The following GDA variants were observed in gnomAD, a reference collection of about 807,000 sequenced individuals.
GDA encodes guanine deaminase.
A neutral mutation model predicts 59.6 loss-of-function variants in GDA; 18 were observed. That is an observed-to-expected ratio of 0.30 (90% CI 0.21 to 0.45). The LOEUF is 0.45. Ranked by LOEUF, GDA falls within the 20% of genes least tolerant of loss-of-function variation. The pLI is 1.00. For synonymous variants in GDA, 201 were observed against 201.1 expected (o/e 1.00, Z 0.00); for missense variants, 427 against 552.3 (o/e 0.77, Z 2.27).
At chr9:72,240,348 A>G (rs184675067) in intron 10 of GDA, among the ~76,000 whole-genome samples, 9 of 152,350 alleles carry the variant, frequency 5.9e-5, no homozygotes, top group Non-Finnish European at 1.2e-4. Flanking sequence ...TTTTTAGTGA[A>G]TAGAACCATG....
At chr9:72,163,925 G>T (rs1828970584) in intron 1 of GDA, among the ~76,000 whole-genome samples, 1 of 152,210 alleles carries the variant, frequency 6.6e-6, no homozygotes, top group African/African-American at 2.4e-5. Flanking sequence ...TTGGAGCAAT[G>T]TTTTGTTCCC....
chr9:72,116,756 T>C (rs969397607), intron 1 of GDA, among the ~76,000 whole-genome samples: 2 of 152,200 alleles, frequency 1.3e-5, no homozygotes, highest in African/African-American at 2.4e-5. Context: ...TAAAAATATA[T>C]TCATATCGTT....
chr9:72,116,250 G>A (rs1332598285), intron 1 of GDA, among the ~76,000 whole-genome samples: 1 of 151,494 alleles, frequency 6.6e-6, no homozygotes, highest in Non-Finnish European at 1.5e-5. Flanking sequence ...AAAAATTTAT[G>A]AAATATGTTC....
At chr9:72,124,309 T>C (rs973025470) in intron 1 of GDA, among the ~76,000 whole-genome samples, 2 of 152,330 alleles carry the variant, frequency 1.3e-5, no homozygotes. Context: ...TTTTATAACA[T>C]AGAAGACACT....
chr9:72,232,093 C>T (rs1838422651), intron 10 of GDA, among the ~76,000 whole-genome samples: 1 of 152,172 alleles, frequency 6.6e-6, no homozygotes, highest in Non-Finnish European at 1.5e-5. Context: ...GTGAGTCAGG[C>T]CCAAATTTCT....
chr9:72,211,632 A>G (rs1025183652), intron 4 of GDA, among the ~76,000 whole-genome samples: 1 of 152,220 alleles, frequency 6.6e-6, no homozygotes, highest in Non-Finnish European at 1.5e-5. Context: ...ACCCAGAACT[A>G]CGACATCTGG....
chr9:72,237,779 A>G (rs530928010), intron 10 of GDA, among the ~76,000 whole-genome samples: 2 of 152,166 alleles, frequency 1.3e-5, no homozygotes, highest in South Asian at 4.2e-4. Context: ...TGGAAACTTG[A>G]TCATTATCTT....
chr9:72,249,492 A>G lies in GDA; in HGVS notation c.*1150A>G. 1 of 675,432 alleles carries G rather than the reference A, an allele frequency of 1.5e-6. No homozygotes were observed. Among genetic ancestry groups the G allele is most frequent in the African/African-American group, 1.9e-5 (1 of 51,332 alleles). 41.8% of individuals were successfully genotyped at this position (675,432 alleles called of 1,614,324 possible). Reference sequence around the variant, plus strand: ...ATAATGTTTAGGATATTAAAATTTTAGGATAATGAAGAGTACATAATGTCC... The same window carrying G: ...ATAATGTTTAGGATATTAAAATTTTGGGATAATGAAGAGTACATAATGTCC... On this transcript the variant is annotated 3_prime_UTR_variant, in exon 14 of 14. Coordinates refer to ENST00000358399, the MANE Select transcript of GDA (RefSeq NM_004293.5).
chr9:72,169,157 T>C (rs563855419), intron 1 of GDA, among the ~76,000 whole-genome samples: 1 of 152,358 alleles, frequency 6.6e-6, no homozygotes, highest in East Asian at 1.9e-4. Context: ...ATTACATTGT[T>C]TCATGTCAGG....
chr9:72,252,949 T>G (rs1223789622), downstream of GDA, among the ~76,000 whole-genome samples: 1 of 152,168 alleles, frequency 6.6e-6, no homozygotes, highest in Non-Finnish European at 1.5e-5. Context: ...GTAGCTATTA[T>G]CCTAAAAATT....
intron 1 of GDA, among the ~76,000 whole-genome samples, chr9:72,191,964 G>A (rs1832607682): frequency 6.6e-6 from 1 of 152,048 alleles, no homozygotes; most frequent in African/African-American, 2.4e-5. Flanking sequence ...TAAATGCCTT[G>A]AGGTACTCTT....
chr9:72,211,024 C>T lies in GDA; in HGVS notation c.472+250C>T, dbSNP rs75591612. Among the ~76,000 whole-genome samples the T allele has an allele frequency of 6.2e-3, 942 of 152,146 alleles. 6 individuals are homozygous for T. The highest frequency in any genetic ancestry group is 0.021 in the African/African-American group (875 of 41,492). ...TCTAAGTACTCTGATTATTTACTTA[C>T]AATTTTTGGTTACAGAATGATATAT... On this transcript the variant is annotated intron_variant, in intron 4 of 13. Transcript: ENST00000358399.
intron 5 of GDA, 143 bp from the exon 6 acceptor site, chr9:72,219,336 G>C: frequency 1.8e-6 from 1 of 567,594 alleles, no homozygotes. Flanking sequence ...CCGGGAGGCG[G>C]AGCTTGCAGT....
At chr9:72,123,618 G>C (rs1053992269) in intron 1 of GDA, among the ~76,000 whole-genome samples, 12 of 151,188 alleles carry the variant, frequency 7.9e-5, no homozygotes, top group Non-Finnish European at 1.8e-4. Flanking sequence ...CTCCCGAGTA[G>C]TTGGGAATAC....
intron 1 of GDA, among the ~76,000 whole-genome samples, chr9:72,172,873 A>G (rs569511039): frequency 6.6e-6 from 1 of 152,006 alleles, no homozygotes; most frequent in Non-Finnish European, 1.5e-5. Flanking sequence ...CATTTATTTG[A>G]GTGCCTTTAT....
chr9:72,178,302 G>GGGACT (rs1382310778), intron 1 of GDA, among the ~76,000 whole-genome samples: 2 of 152,140 alleles, frequency 1.3e-5, no homozygotes, highest in Non-Finnish European at 2.9e-5. Flanking sequence ...ATGTTGTTAG[G>GGGACT]GGACTGGTAT....
chr9:72,135,641 A>C (rs1826195000), intron 1 of GDA, among the ~76,000 whole-genome samples: 1 of 152,064 alleles, frequency 6.6e-6, no homozygotes, highest in Non-Finnish European at 1.5e-5. Context: ...TGACTTTAAG[A>C]ATAGTTGGCC....
chr9:72,131,098 G>C (rs1226404431), intron 1 of GDA, among the ~76,000 whole-genome samples: 4 of 152,204 alleles, frequency 2.6e-5, no homozygotes, highest in Non-Finnish European at 2.9e-5. Flanking sequence ...AGGTAGCAAA[G>C]AGCTGAGATT....
intron 5 of GDA, 69 bp downstream of exon 5, chr9:72,214,060 T>C: frequency 1.2e-6 from 1 of 869,252 alleles, no homozygotes; most frequent in South Asian, 1.4e-5. Flanking sequence ...GAGTTAGAGA[T>C]GGAAAAAGGA....
Sources: gnomAD v4.1 joint callset for allele counts (sites outside exome capture counted in the v4.1 genomes callset) on GRCh38, gnomAD v4.1.1 for gene constraint, MANE v1.5 for transcripts, NCBI Gene and HGNC (gene_info 2026-07-23, HGNC 2026-07-21) for gene names.